Variants in CARMIL1 observed in about 807,000 individuals in gnomAD.
CARMIL1 encodes the protein F-actin-uncapping protein LRRC16A.
In CARMIL1, 90 loss-of-function variants were observed where a neutral mutation model predicts 177.1. That is an observed-to-expected ratio of 0.51 (90% CI 0.43 to 0.61). The LOEUF is 0.61. CARMIL1 is among the 20% of genes least tolerant of loss of function. CARMIL1 has a pLI of 0.00. For synonymous variants in CARMIL1, 577 were observed against 606.2 expected, an observed-to-expected ratio of 0.95 and a Z score of 0.71; for missense variants, 1,380 against 1,667.0, an observed-to-expected ratio of 0.83 and a Z score of 3.00.
At chr6:25,416,647 AC>A (rs1795382422) in intron 2 of CARMIL1, among the ~76,000 whole-genome samples, 1 of 152,146 alleles carries the variant, frequency 6.6e-6, no homozygotes, top group African/African-American at 2.4e-5. Flanking sequence ...CCTGTCTTTG[AC>A]TTTTGGCCTT....
rs1282196985 is a variant in CARMIL1, at chr6:25,600,451, T to C, written c.3257T>C (p.Ile1086Thr). The stretch of plus-strand genomic sequence containing the variant: ...TCCAAATCCGAGCGACCACCAACGA[T>C]CTTGATGACAGAAGAACCCTCCTCA... ...SRSKSERPPT[I>T]LMTEEPSSPK... The change falls in exon 33 of 37, where the codon ATC becomes ACC. Residue 1086 changes from isoleucine (I) to threonine (T), a missense_variant. Transcript: ENST00000329474. 5 of 1,613,742 alleles carry C rather than the reference T, an allele frequency of 3.1e-6. No homozygotes were observed. Among genetic ancestry groups the C allele is most frequent in the South Asian group, 1.1e-5 (1 of 91,068 alleles).
Position 25,500,349 on chromosome 6 carries a change from A to G in CARMIL1, c.1395+114A>G, listed in dbSNP as rs11968854. ...CACAGGGTGTAAATGAAGCAGAAAA[A>G]TAAATTATACAAGTTTCTAATGTTC... On this transcript the variant is annotated intron_variant, in intron 17 of 36. Transcript: ENST00000329474. 9.4e-3 allele frequency: 7,873 copies of G among 841,882 alleles called. 197 individuals carry two copies. Among genetic ancestry groups the G allele is most frequent in the African/African-American group, 0.083 (4,844 of 58,316 alleles). 52.2% of individuals were successfully genotyped at this position (841,882 alleles called of 1,614,324 possible). A position where few individuals can be genotyped will look rare whatever the true frequency, so the allele number is the denominator to read the frequency against.
intron 2 of CARMIL1, among the ~76,000 whole-genome samples, chr6:25,331,286 C>G (rs748616200): frequency 2.0e-5 from 3 of 152,162 alleles, no homozygotes. Context: ...GGGTGAAAAG[C>G]CCTGCACAGT....
intron 29 of CARMIL1, among the ~76,000 whole-genome samples, chr6:25,560,874 G>C (rs1245482072): frequency 6.6e-6 from 1 of 152,184 alleles, no homozygotes; most frequent in Non-Finnish European, 1.5e-5. Context: ...GTAGCCTGTA[G>C]TTTTTAAACA....
intron 2 of CARMIL1, among the ~76,000 whole-genome samples, chr6:25,366,917 A>T (rs1182034486): frequency 6.6e-6 from 1 of 152,212 alleles, no homozygotes; most frequent in Non-Finnish European, 1.5e-5. Context: ...GAAGTTAACT[A>T]GCAGATCTAG....
At position 25,313,323 on chromosome 6, in the gene CARMIL1, G is replaced by A. The variant is rs1296571387; in HGVS notation, c.138+28414G>A. Among the ~76,000 whole-genome samples, 5 of 152,162 alleles carry A rather than the reference G, an allele frequency of 3.3e-5. No homozygotes were observed. The East Asian group carries it at 9.6e-4, about 29-fold the overall frequency. On this transcript the variant is annotated intron_variant, in intron 2 of 36. Coordinates refer to ENST00000329474, the MANE Select transcript of CARMIL1 (RefSeq NM_017640.6). ...TTGACAGCGCCTGCAGCCTGCCCTG[G>A]AAGAACGGGTTTCTTCTTCAGATAG... is the stretch of plus-strand genomic sequence containing the variant.
In CARMIL1 at chr6:25,470,710, C is replaced by G. The variant is rs58377545; in HGVS notation, c.691-459C>G. On this transcript the variant is annotated intron_variant, in intron 9 of 36. Transcript: ENST00000329474. Reference sequence around the variant, plus strand: ...TCTGGTGAGGGCACAGTTTCTTGTTCACAGGTGGTGCCTTTTAGCTGTGTC... The same window carrying G: ...TCTGGTGAGGGCACAGTTTCTTGTTGACAGGTGGTGCCTTTTAGCTGTGTC... Among the ~76,000 whole-genome samples, 30 of 152,260 alleles carry G rather than the reference C, an allele frequency of 2.0e-4. No homozygotes were observed. The East Asian group carries it at 5.8e-3, about 29-fold the overall frequency.
At chr6:25,321,696 T>C (rs947550367) in intron 2 of CARMIL1, among the ~76,000 whole-genome samples, 2 of 151,984 alleles carry the variant, frequency 1.3e-5, no homozygotes, top group Non-Finnish European at 1.5e-5. Context: ...AGTCTTGCTG[T>C]TGCCCAGGCT....
chr6:25,334,909 A>G (rs184300386), intron 2 of CARMIL1, among the ~76,000 whole-genome samples: 215 of 152,354 alleles, frequency 1.4e-3, no homozygotes, highest in African/African-American at 5.0e-3. Flanking sequence ...CATTTTCTGA[A>G]GCATGAACAG....
chr6:25,458,903 G>A (rs190643207), intron 8 of CARMIL1, among the ~76,000 whole-genome samples: 7 of 152,272 alleles, frequency 4.6e-5, no homozygotes, highest in Non-Finnish European at 8.8e-5. Context: ...ACATAAAAAT[G>A]TTATAAATGC....
intron 29 of CARMIL1, among the ~76,000 whole-genome samples, chr6:25,562,398 C>G (rs921036542): frequency 5.3e-5 from 8 of 152,112 alleles, no homozygotes; most frequent in African/African-American, 1.9e-4. Flanking sequence ...CAGGCGCCTG[C>G]CACCGCGCCT....
chr6:25,390,316 A>ATG (rs1316087000), intron 2 of CARMIL1, among the ~76,000 whole-genome samples: 1 of 42,212 alleles, frequency 2.4e-5, no homozygotes, highest in Non-Finnish European at 4.5e-5. Context: ...ATATATATAT[A>ATG]TATATTTTTT....
intron 2 of CARMIL1, among the ~76,000 whole-genome samples, chr6:25,348,800 A>G (rs1023232940): frequency 6.6e-6 from 1 of 152,146 alleles, no homozygotes; most frequent in African/African-American, 2.4e-5. Flanking sequence ...AAAAATAAAA[A>G]TAAAAAAATG....
chr6:25,586,084 G>A (rs566263748), intron 31 of CARMIL1, among the ~76,000 whole-genome samples: 2 of 150,612 alleles, frequency 1.3e-5, no homozygotes, highest in African/African-American at 2.5e-5. Context: ...ACGGGGTGGC[G>A]GCCAGGCAGA....
In CARMIL1 at chr6:25,315,670, A is replaced by C. The variant is rs571157854; in HGVS notation, c.138+30761A>C. ...TGACAAAATGCATTCTTAGTTTCAC[A>C]CTGTTGTCATATAAATGAAGGAACC... On this transcript the variant is annotated intron_variant, in intron 2 of 36. Transcript: ENST00000329474. Among the ~76,000 whole-genome samples, 6 of 152,344 alleles carry C rather than the reference A, an allele frequency of 3.9e-5. No homozygotes were observed. The East Asian group carries it at 1.2e-3, about 29-fold the overall frequency.
intron 31 of CARMIL1, among the ~76,000 whole-genome samples, chr6:25,590,970 T>C (rs1049876155): frequency 1.7e-4 from 26 of 152,214 alleles, no homozygotes; most frequent in African/African-American, 6.3e-4. Context: ...TTCCTTTGGG[T>C]TCCTTATATC....
At chr6:25,595,412 T>C (rs1469965209) in intron 32 of CARMIL1, among the ~76,000 whole-genome samples, 1 of 152,208 alleles carries the variant, frequency 6.6e-6, no homozygotes, top group Admixed American at 6.5e-5. Flanking sequence ...GAGGTGGCAG[T>C]GGGTTAAATT....
intron 2 of CARMIL1, among the ~76,000 whole-genome samples, chr6:25,315,906 A>G (rs1258732125): frequency 6.6e-6 from 1 of 152,200 alleles, no homozygotes; most frequent in Non-Finnish European, 1.5e-5. Context: ...AGCCCCTCCC[A>G]GGCCTACAGA....
intron 12 of CARMIL1, among the ~76,000 whole-genome samples, chr6:25,486,807 T>C (rs945114753): frequency 6.6e-6 from 1 of 152,158 alleles, no homozygotes; most frequent in East Asian, 1.9e-4. Flanking sequence ...GTGAGTAAGA[T>C]GGTATCTCAG....
Sources: gnomAD v4.1 joint callset for allele counts (sites outside exome capture counted in the v4.1 genomes callset) on GRCh38, gnomAD v4.1.1 for gene constraint, MANE v1.5 for transcripts, NCBI Gene and HGNC (gene_info 2026-07-23, HGNC 2026-07-21) for gene names.